BRME1: variants seen among roughly 807,000 people sequenced by gnomAD.
BRME1 encodes the protein BRCA2 and MEILB2-associating protein 1.
Under a neutral mutation model 52.6 loss-of-function variants are expected in BRME1, and 31 were observed. That is an observed-to-expected ratio of 0.59 (90% CI 0.44 to 0.80). BRME1 has a LOEUF of 0.80. BRME1 is among the 30% of genes least tolerant of loss of function. The probability of loss-of-function intolerance (pLI) is 0.00; values close to 1 mark genes in which losing one functional copy is unlikely to be tolerated. For synonymous variants in BRME1, 359 were observed against 353.6 expected (o/e 1.02, Z -0.17); for missense variants, 804 against 860.3 (o/e 0.93, Z 0.82).
chr19:13,902,697 C>T (rs562861039), intron 2 of BRME1, among the ~76,000 whole-genome samples: 2 of 151,542 alleles, frequency 1.3e-5, no homozygotes, highest in East Asian at 3.9e-4. Flanking sequence ...TTTGGGACAC[C>T]AAGACGGGCA....
Position 13,890,959 on chromosome 19 carries a change from G to C in BRME1, c.394-497C>G, listed in dbSNP as rs968654899. Among the ~76,000 whole-genome samples the C allele has an allele frequency of 6.6e-4, 101 of 151,886 alleles. 1 individual carries two copies. The highest frequency in any genetic ancestry group is 1.2e-3 in the Admixed American group (18 of 15,208). ...GTTCAAAGACTCAGATATTGGCACC[G>C]GCCATCATGCATGGAAATAGGCATC... On this transcript the variant is annotated intron_variant, in intron 5 of 8. Transcript: ENST00000586783.
At chr19:13,887,903 G>T (rs1050811054) in intron 6 of BRME1, among the ~76,000 whole-genome samples, 4 of 151,810 alleles carry the variant, frequency 2.6e-5, no homozygotes, top group Admixed American at 2.6e-4. Context: ...AGCTGGGACT[G>T]CAGCCATGCA....
At chr19:13,884,008 A>C (rs1217530369) in intron 7 of BRME1, among the ~76,000 whole-genome samples, 1 of 151,718 alleles carries the variant, frequency 6.6e-6, no homozygotes, top group Non-Finnish European at 1.5e-5. Flanking sequence ...GTAGCATTCA[A>C]CTCTGTGTTT....
chr19:13,894,561 T>C (rs1969746584), intron 3 of BRME1, among the ~76,000 whole-genome samples: 1 of 151,936 alleles, frequency 6.6e-6, no homozygotes, highest in Non-Finnish European at 1.5e-5. Context: ...ATGTATATCG[T>C]TTTGTTTTGG....
At position 13,883,700 on chromosome 19, in the gene BRME1, C is replaced by A; in HGVS notation, c.1764-300G>T. 2.8e-6 allele frequency: 1 copy of A among 356,020 alleles called. No individual in the cohort carries two copies. Among genetic ancestry groups the A allele is most frequent in the East Asian group, 5.0e-5 (1 of 19,866 alleles). 22.1% of individuals were successfully genotyped at this position (356,020 alleles called of 1,614,324 possible). ...CACTGGGGGCTGTGAACTTGGAAACCTAGCTCAGAGGCAAGCCCTCTCCTC... is the reference window on the plus strand; with the variant it reads ...CACTGGGGGCTGTGAACTTGGAAACATAGCTCAGAGGCAAGCCCTCTCCTC... On this transcript the variant is annotated intron_variant, in intron 7 of 8. Coordinates refer to ENST00000586783, the MANE Select transcript of BRME1 (RefSeq NM_001345843.2). This position sits in a 1 kb window ranked among gnomAD's most constrained non-coding sequence, Gnocchi z 4.2.
chr19:13,900,635 A>T (rs1204622707), intron 2 of BRME1, among the ~76,000 whole-genome samples: 1 of 152,208 alleles, frequency 6.6e-6, no homozygotes, highest in Non-Finnish European at 1.5e-5. Flanking sequence ...AGAAAATGAT[A>T]GGCAAATGGA....
rs774420250 is a variant in BRME1 at position 13,888,209 on chromosome 19, ATT to A, written c.1668+977_1668+978del. Among the ~76,000 whole-genome samples the A allele has an allele frequency of 1.6e-4, 23 of 143,864 alleles. No individual in the cohort carries two copies. Among genetic ancestry groups the A allele is most frequent in the Middle Eastern group, 3.7e-3 (1 of 270 alleles). The allele number at this position is 143,864 out of a possible 152,430, so 94.4% of individuals were successfully genotyped here. ...TGGGAGCCACTGTGCCTGGCCATGA[ATT>A]TTTTTTTTTTTTTTTAACATCTCAA... is the stretch of plus-strand genomic sequence containing the variant. On this transcript the variant is annotated intron_variant, in intron 6 of 8. Coordinates refer to ENST00000586783, the MANE Select transcript of BRME1 (RefSeq NM_001345843.2). The surrounding 1 kb of genome is among the most constrained non-coding windows in gnomAD (Gnocchi z 4.1).
rs1270345149 is a variant in BRME1 at position 13,889,220 on chromosome 19, C to G, written c.1636G>C (p.Asp546His). 2.5e-6 allele frequency: 4 copies of G among 1,607,150 alleles called. No individual in the cohort carries two copies. The South Asian group carries it at 4.4e-5, about 18-fold the overall frequency. Reference protein sequence around the residue: ...LLDSQIQDALDASDFEAPPEQ... With the variant: ...LLDSQIQDALHASDFEAPPEQ... ...GGTGGGGCTTCGAAGTCAGAGGCGT[C>G]CAGGGCATCCTGTATCTGGCTGTCC... is the stretch of plus-strand genomic sequence containing the variant. The change falls in exon 6 of 9, where the codon GAC becomes CAC. Residue 546 changes from aspartate (D) to histidine (H), a missense_variant. By Grantham distance (81) the Asp-to-His change is moderately conservative. Transcript: ENST00000586783.
At chr19:13,893,616 A>G (rs1359023838) in intron 3 of BRME1, among the ~76,000 whole-genome samples, 16 of 152,166 alleles carry the variant, frequency 1.1e-4, no homozygotes, top group Admixed American at 1.0e-3. Context: ...AAAATCCAAC[A>G]GGAAACCAGT....
At chr19:13,885,623 G>T (rs1235640781) in intron 7 of BRME1, among the ~76,000 whole-genome samples, 1 of 152,198 alleles carries the variant, frequency 6.6e-6, no homozygotes, top group Non-Finnish European at 1.5e-5. Context: ...CCCTGTCTGG[G>T]TCCCCTCCCC....
In BRME1 at chr19:13,890,293, T is replaced by A. The variant is rs1969386274; in HGVS notation, c.563A>T (p.Asp188Val). Residue 188 changes from aspartate (D) to valine (V), a missense_variant, in exon 6 of 9, where the codon GAT (aspartate) becomes GTT (valine). Physicochemically the swap from Asp to Val is radical, Grantham distance 152. Around this residue, in one of 3 missense-constraint regions of BRME1, gnomAD observed 234 missense variants for 258.1 expected, o/e 0.91. Coordinates refer to ENST00000586783, the MANE Select transcript of BRME1 (RefSeq NM_001345843.2). Reference protein sequence around the residue: ...SPVQAVPGSGDSQPDDPPDRG... With the variant: ...SPVQAVPGSGVSQPDDPPDRG... The stretch of plus-strand genomic sequence containing the variant: ...GTCTGGAGGGTCATCAGGCTGAGAA[T>A]CCCCACTGCCGGGCACCGCCTGCAC... The A allele has an allele frequency of 1.9e-6, 3 of 1,611,592 alleles. No individual in the cohort carries two copies. The highest frequency in any genetic ancestry group is 2.2e-5 in the South Asian group (2 of 90,824).
chr19:13,892,204 G>A (rs1316381216), intron 5 of BRME1, among the ~76,000 whole-genome samples: 1 of 152,186 alleles, frequency 6.6e-6, no homozygotes, highest in Non-Finnish European at 1.5e-5. Context: ...TTTGGTGATG[G>A]ACTATAGTTA....
intron 3 of BRME1, among the ~76,000 whole-genome samples, chr19:13,894,454 G>A (rs1166782403): frequency 1.3e-5 from 2 of 151,958 alleles, no homozygotes; most frequent in African/African-American, 4.8e-5. Context: ...GAACCCGGGA[G>A]GTGGAGGTTG....
intron 7 of BRME1, among the ~76,000 whole-genome samples, chr19:13,884,581 T>C (rs1345666074): frequency 6.7e-6 from 1 of 150,038 alleles, no homozygotes; most frequent in African/African-American, 2.5e-5. Flanking sequence ...TGAGCTGAGG[T>C]TGCACCACTG....
chr19:13,890,878 AT>A (rs1475598708), intron 5 of BRME1, among the ~76,000 whole-genome samples: 2 of 152,070 alleles, frequency 1.3e-5, no homozygotes, highest in African/African-American at 4.8e-5. Flanking sequence ...ACACAAAAAA[AT>A]TAGTGGCAAA....
rs1282912452 is a variant in BRME1 at position 13,895,494 on chromosome 19, G to T, written c.84C>A (p.Phe28Leu). ...KPLKNPRLGDFYGDPQSSMLG... is the reference protein window; with the variant it reads ...KPLKNPRLGDLYGDPQSSMLG... ...ACATGGAACTCTGGGGGTCCCCATA[G>T]AAGTCTCCTAGCCTTGGGTTCTTTA... Residue 28 changes from phenylalanine (F) to leucine (L), a missense_variant, in exon 3 of 9, where the codon TTC becomes TTA. By Grantham distance (22) the Phe-to-Leu change is conservative (BLOSUM62 0). This residue lies in a region of BRME1 where 234 missense variants were observed against 258.1 expected (regional missense o/e 0.91). Coordinates refer to ENST00000586783, the MANE Select transcript of BRME1 (RefSeq NM_001345843.2). The T allele has an allele frequency of 6.2e-7, 1 of 1,614,090 alleles. No individual in the cohort carries two copies. Among genetic ancestry groups the T allele is most frequent in the East Asian group, 2.2e-5 (1 of 44,878 alleles).
chr19:13,886,009 C>T lies in BRME1; in HGVS notation c.1715G>A (p.Ser572Asn). 6.2e-7 allele frequency: 1 copy of T among 1,614,050 alleles called. No individual in the cohort carries two copies. The highest frequency in any genetic ancestry group is 2.2e-5 in the East Asian group (1 of 44,888). Reference protein sequence around the residue: ...NKPGPCWPGPSSHANGDPVAV... With the variant: ...NKPGPCWPGPNSHANGDPVAV... ...AACAGGGTCTCCATTGGCATGTGAG[C>T]TGGGGCCCGGCCAGCAAGGGCCCGG... Residue 572 changes from serine to asparagine, a missense_variant, in exon 7 of 9, where the codon AGC (serine) becomes AAC (asparagine). By Grantham distance (46) the Ser-to-Asn change is conservative. Coordinates refer to ENST00000586783, the MANE Select transcript of BRME1 (RefSeq NM_001345843.2).
intron 6 of BRME1, among the ~76,000 whole-genome samples, chr19:13,886,715 T>G (rs912432822): frequency 1.3e-4 from 19 of 151,150 alleles, no homozygotes; most frequent in Admixed American, 7.9e-4. Context: ...ATCCCAGCAC[T>G]TTGGAAGGCT....
chr19:13,896,042 G>A (rs1403998895), intron 2 of BRME1, among the ~76,000 whole-genome samples: 1 of 152,198 alleles, frequency 6.6e-6, no homozygotes, highest in Admixed American at 6.5e-5. Context: ...GGCCGAGGCG[G>A]GTGGATCACC....
Sources: allele counts gnomAD v4.1 joint callset (sites outside exome capture counted in the v4.1 genomes callset), GRCh38; gene constraint gnomAD v4.1.1; regional missense constraint gnomAD v4.1.1; non-coding constraint Gnocchi (gnomAD v3.1); transcripts MANE v1.5; gene names NCBI Gene and HGNC (gene_info 2026-07-23, HGNC 2026-07-21).